The following CALN1 variants were observed in gnomAD, a reference collection of about 807,000 sequenced individuals.
The protein encoded by CALN1 is calneuron 1.
CALN1 carries 17 observed loss-of-function variants against 30.6 expected under a neutral mutation model. The ratio of observed to expected loss-of-function variants is 0.56; its 90% CI spans 0.38 to 0.83. The LOEUF (loss-of-function observed/expected upper bound fraction) is 0.83, where lower values mean the gene tolerates loss of function less well. Among genes scored for constraint, CALN1 ranks in the 40% least tolerant of loss-of-function variants. The pLI is 0.00. For missense variants in CALN1, 291 were observed against 354.9 expected, an observed-to-expected ratio of 0.82 and a Z score of 1.45; for synonymous variants, 156 against 131.4, an observed-to-expected ratio of 1.19 and a Z score of -1.28.
At chr7:72,360,657 G>C (rs1803518907) in intron 2 of CALN1, among the ~76,000 whole-genome samples, 1 of 147,182 alleles carries the variant, frequency 6.8e-6, no homozygotes, top group African/African-American at 2.5e-5. Context: ...ACAACGTGCA[G>C]ATTTGTTACA....
chr7:72,054,502 T>TATATATAC (rs1272508169), intron 4 of CALN1, among the ~76,000 whole-genome samples: 6,335 of 131,292 alleles, frequency 0.048, 858 homozygotes, highest in African/African-American at 0.19. Flanking sequence ...CATATATACA[T>TATATATAC]ATATATACAT....
At chr7:72,368,598 ATAAAG>A (rs1804024773) in intron 2 of CALN1, among the ~76,000 whole-genome samples, 1 of 152,142 alleles carries the variant, frequency 6.6e-6, no homozygotes, top group African/African-American at 2.4e-5. Context: ...AGGAGAATGA[ATAAAG>A]TAACAAAGAT....
At chr7:72,465,416 G>T in the CALN1 span, among the ~76,000 whole-genome samples, 1 of 152,136 alleles carries the variant, frequency 6.6e-6, no homozygotes, top group Non-Finnish European at 1.5e-5. Flanking sequence ...CTCTAGCAGT[G>T]ACCTGCATCT....
At chr7:72,367,796 A>C (rs1166577021) in intron 2 of CALN1, among the ~76,000 whole-genome samples, 1 of 151,910 alleles carries the variant, frequency 6.6e-6, no homozygotes, top group East Asian at 1.9e-4. Context: ...GATTGCACCA[A>C]TGCACTCCAG....
intron 3 of CALN1, among the ~76,000 whole-genome samples, chr7:72,192,896 A>T (rs1033662666): frequency 2.7e-5 from 4 of 149,388 alleles, no homozygotes; most frequent in African/African-American, 4.9e-5. Flanking sequence ...CTTTAAAAAA[A>T]TTTTGCCAGG....
At chr7:72,177,323 C>T (rs1313727030) in intron 3 of CALN1, among the ~76,000 whole-genome samples, 1 of 152,150 alleles carries the variant, frequency 6.6e-6, no homozygotes, top group Non-Finnish European at 1.5e-5. Flanking sequence ...AGAAATAAGA[C>T]ATCCCGGGCT....
intron 6 of CALN1, among the ~76,000 whole-genome samples, chr7:71,799,020 TGGTTCC>T: frequency 6.6e-6 from 1 of 152,144 alleles, no homozygotes; most frequent in East Asian, 1.9e-4. Flanking sequence ...CCCCTGCATT[TGGTTCC>T]TGCTCCATGA....
intron 2 of CALN1, among the ~76,000 whole-genome samples, chr7:72,319,368 T>C (rs1352535373): frequency 6.6e-6 from 1 of 152,098 alleles, no homozygotes; most frequent in Non-Finnish European, 1.5e-5. Flanking sequence ...GACAGAGAGC[T>C]TGTGCAGGGA....
chr7:72,295,247 G>T (rs1289153819), intron 2 of CALN1, among the ~76,000 whole-genome samples: 2 of 152,032 alleles, frequency 1.3e-5, no homozygotes, highest in East Asian at 3.8e-4. Flanking sequence ...TTAAATTAAA[G>T]TTATAATTAC....
chr7:72,393,412 C>A (rs530512633), intron 2 of CALN1, among the ~76,000 whole-genome samples: 1 of 152,064 alleles, frequency 6.6e-6, no homozygotes, highest in South Asian at 2.1e-4. Flanking sequence ...TGCAGTGAGC[C>A]GAGATCGCGC....
chr7:72,193,970 G>C lies in CALN1; in HGVS notation c.244+84716C>G, dbSNP rs373165840. 3.3e-5 allele frequency among the ~76,000 whole-genome samples: 5 copies of C among 152,066 alleles called. No individual in the cohort carries two copies. The East Asian group carries it at 7.7e-4, about 23-fold the overall frequency. On this transcript the variant is annotated intron_variant, in intron 3 of 6. Coordinates refer to ENST00000395275, the MANE Select transcript of CALN1 (RefSeq NM_031468.4). ...GAGGACTTGGGGGAAAGGGTGGGAG[G>C]GGGTGAGAGATAAGACTACACATTG...
At chr7:72,450,857 A>T (rs1808642044), upstream of CALN1, among the ~76,000 whole-genome samples, 1 of 145,500 alleles carries the variant, frequency 6.9e-6, no homozygotes, top group South Asian at 2.1e-4. Flanking sequence ...ATGAAAACAA[A>T]AATAAAATAA....
chr7:72,348,587 A>C (rs1358949331), intron 2 of CALN1, among the ~76,000 whole-genome samples: 4 of 152,222 alleles, frequency 2.6e-5, no homozygotes, highest in Non-Finnish European at 5.9e-5. Context: ...GAGAGTTGTT[A>C]AGTCGAACAA....
intron 5 of CALN1, among the ~76,000 whole-genome samples, chr7:71,917,332 G>A (rs985815151): frequency 2.1e-4 from 32 of 152,290 alleles, no homozygotes; most frequent in Non-Finnish European, 1.0e-4. Flanking sequence ...AGATGAGTAT[G>A]TTCTAGAGGT....
At chr7:72,268,199 G>A (rs1408839303) in intron 3 of CALN1, among the ~76,000 whole-genome samples, 1 of 152,158 alleles carries the variant, frequency 6.6e-6, no homozygotes, top group Non-Finnish European at 1.5e-5. Context: ...AAAGTTGAAT[G>A]AATAGGTAGG....
At chr7:72,305,313 A>G (rs1357543758) in intron 2 of CALN1, among the ~76,000 whole-genome samples, 2 of 152,200 alleles carry the variant, frequency 1.3e-5, no homozygotes, top group African/African-American at 4.8e-5. Flanking sequence ...TTGGCAGGTG[A>G]TTTTGAGTTG....
intron 3 of CALN1, among the ~76,000 whole-genome samples, chr7:72,158,408 A>G (rs974442556): frequency 1.3e-5 from 2 of 152,136 alleles, no homozygotes; most frequent in Non-Finnish European, 2.9e-5. Context: ...ATCATATTGA[A>G]TGCCTCCCCC....
At chr7:72,384,413 A>G (rs1430322264) in intron 2 of CALN1, among the ~76,000 whole-genome samples, 2 of 152,234 alleles carry the variant, frequency 1.3e-5, no homozygotes, top group African/African-American at 2.4e-5. Context: ...AAGGTAAAGA[A>G]GAGAGGAAGA....
At chr7:72,057,644 T>C (rs1803353672) in intron 4 of CALN1, among the ~76,000 whole-genome samples, 1 of 152,136 alleles carries the variant, frequency 6.6e-6, no homozygotes, top group South Asian at 2.1e-4. Context: ...TTTCCAGTCC[T>C]TTTTACTTGA....
Sources: allele counts gnomAD v4.1 joint callset (sites outside exome capture counted in the v4.1 genomes callset), GRCh38; gene constraint gnomAD v4.1.1; transcripts MANE v1.5; gene names NCBI Gene and HGNC (gene_info 2026-07-23, HGNC 2026-07-21).